Variants in ZNF326 observed in about 807,000 individuals in gnomAD.
The protein encoded by ZNF326 is zinc finger protein 326.
In ZNF326, 30 loss-of-function variants were observed where a neutral mutation model predicts 63.1. That is an observed-to-expected ratio of 0.48 (90% confidence interval 0.36 to 0.64). The LOEUF is 0.64. ZNF326 is among the 30% of genes least tolerant of loss of function. The pLI is 0.00. For synonymous variants in ZNF326, 194 were observed against 228.2 expected, an observed-to-expected ratio of 0.85 and a Z score of 1.35; for missense variants, 609 against 720.3, an observed-to-expected ratio of 0.85 and a Z score of 1.77.
intron 2 of ZNF326, 90 bp from the exon 3 acceptor site, chr1:90,004,913 G>T: frequency 9.4e-7 from 1 of 1,066,142 alleles, no homozygotes. Context: ...ATTATCTCAG[G>T]TGATAGATAG....
chr1:89,998,039 TGG>T, intron 1 of ZNF326, 69 bp from the exon 2 acceptor site: 4 of 1,393,690 alleles, frequency 2.9e-6, no homozygotes, highest in Non-Finnish European at 4.0e-6. Flanking sequence ...TGTTTTTTAC[TGG>T]ATCGGCATAT....
rs376607529 is a variant in ZNF326 at position 90,023,595 on chromosome 1, T to C, written c.1401+1250T>C. Among the ~76,000 whole-genome samples the C allele has an allele frequency of 2.6e-5, 4 of 152,228 alleles. No homozygotes were observed. The South Asian group carries it at 8.3e-4, about 32-fold the overall frequency. On this transcript the variant is annotated intron_variant, in intron 11 of 11. Coordinates refer to ENST00000340281, the MANE Select transcript of ZNF326 (RefSeq NM_182976.4). Reference sequence around the variant, plus strand: ...AATGCAGCCCTCAATTGAAATCCAATTTTATGAGAGGTATGGCATCAAAAA... The same window carrying C: ...AATGCAGCCCTCAATTGAAATCCAACTTTATGAGAGGTATGGCATCAAAAA...
intron 1 of ZNF326, 130 bp from the exon 2 acceptor site, chr1:89,997,980 T>G (rs565236124): frequency 3.0e-6 from 2 of 672,384 alleles, no homozygotes; most frequent in East Asian, 2.7e-5. Flanking sequence ...GTTTTAACTA[T>G]TCTCAGTTTT....
rs2101047209 is a variant in ZNF326 at position 89,998,149 on chromosome 1, T to C, written c.56T>C (p.Phe19Ser). The change falls in exon 2 of 12, where the codon TTT becomes TCT. Residue 19 changes from phenylalanine to serine, a missense_variant. By Grantham distance (155) the Phe-to-Ser change is radical. Coordinates refer to ENST00000340281, the MANE Select transcript of ZNF326 (RefSeq NM_182976.4). ...HSACRNTYQG[F>S]NGMDRDYGPG... ...GCCTGCAGGAATACTTATCAGGGCT[T>C]TAATGGTAAGTATCCTCTTTCAGCT... 6.2e-7 allele frequency: 1 copy of C among 1,613,216 alleles called. No homozygotes were observed.
rs1650302724 is a variant in ZNF326, at chr1:90,032,086, A to G, written c.*4385A>G. The G allele has an allele frequency of 6.6e-6, 1 of 152,182 alleles. No individual in the cohort carries two copies. The highest frequency in any genetic ancestry group is 1.5e-5 in the Non-Finnish European group (1 of 68,056). 9.4% of individuals were successfully genotyped at this position (152,182 alleles called of 1,614,324 possible). A position where few individuals can be genotyped will look rare whatever the true frequency, so the allele number is the denominator to read the frequency against. On this transcript the variant is annotated 3_prime_UTR_variant, in exon 12 of 12. Coordinates refer to ENST00000340281, the MANE Select transcript of ZNF326 (RefSeq NM_182976.4). Reference sequence around the variant, plus strand: ...AAGGGCAGATTCTTGGCAATGGTAAATTCAGTAGGTCCTGCCACCATTTGA... The same window carrying G: ...AAGGGCAGATTCTTGGCAATGGTAAGTTCAGTAGGTCCTGCCACCATTTGA...
intron 9 of ZNF326, among the ~76,000 whole-genome samples, chr1:90,020,080 A>G (rs111750285): frequency 5.3e-5 from 8 of 151,986 alleles, no homozygotes; most frequent in African/African-American, 1.9e-4. Context: ...TGTCTTGACA[A>G]TTGTAGTATT....
At chr1:90,027,278 G>A (rs570420911) in intron 11 of ZNF326, 76 bp from the exon 12 acceptor site, 2 of 1,359,122 alleles carry the variant, frequency 1.5e-6, no homozygotes, top group East Asian at 2.3e-5. Flanking sequence ...TCATGATATG[G>A]CAAGTAAAAA....
chr1:90,007,754 A>G lies in ZNF326; in HGVS notation c.615+4A>G. The G allele has an allele frequency of 6.7e-7, 1 of 1,497,282 alleles. No homozygotes were observed. The highest frequency in any genetic ancestry group is 8.9e-7 in the Non-Finnish European group (1 of 1,122,508). 92.7% of individuals were successfully genotyped at this position (1,497,282 alleles called of 1,614,324 possible). ...AGGCAGAGGCCGAGGCCGAGGAGTAAGTACAACAGAATCTTTTCAGATTCT... is the reference window on the plus strand; with the variant it reads ...AGGCAGAGGCCGAGGCCGAGGAGTAGGTACAACAGAATCTTTTCAGATTCT... On this transcript the variant is annotated splice_donor_region_variant and intron_variant, in intron 5 of 11. Coordinates refer to ENST00000340281, the MANE Select transcript of ZNF326 (RefSeq NM_182976.4). This position sits in a 1 kb window ranked among gnomAD's most constrained non-coding sequence, Gnocchi z 4.9.
chr1:89,996,382 TCATAA>T (rs1489982858), intron 1 of ZNF326, among the ~76,000 whole-genome samples: 1 of 152,352 alleles, frequency 6.6e-6, no homozygotes, highest in South Asian at 2.1e-4. Context: ...TTTTGATTTT[TCATAA>T]CATTTCATGC....
Position 89,995,227 on chromosome 1 carries a change from C to T in ZNF326, c.-31C>T. 1.3e-6 allele frequency: 2 copies of T among 1,543,276 alleles called. No homozygotes were observed. ...CCGCCGGCCATAGCTCAGCCTAGCG[C>T]CGCCAAGGCCGACGGCCCTCAGCCT... On this transcript the variant is annotated 5_prime_UTR_variant, in exon 1 of 12. Transcript: ENST00000340281.
In ZNF326 at chr1:90,005,108, C is replaced by CT. The variant is rs779475674; in HGVS notation, c.98-19dup. 7.4e-6 allele frequency: 12 copies of CT among 1,613,608 alleles called. No homozygotes were observed. In the East Asian group the frequency reaches 1.1e-4, roughly 15 times the overall value. ...GCCAGTAAAGGTGAGCATCATATAA[C>CT]TTTTTTCTTTTTAAACTCTTATAGG... On this transcript the variant is annotated intron_variant, in intron 3 of 11. Transcript: ENST00000340281.
chr1:90,002,749 CAT>C (rs1033156988), intron 2 of ZNF326, among the ~76,000 whole-genome samples: 1 of 152,148 alleles, frequency 6.6e-6, no homozygotes, highest in African/African-American at 2.4e-5. Flanking sequence ...AAAGCAGTAA[CAT>C]ATCTCCATAT....
At position 90,005,412 on chromosome 1, in the gene ZNF326, A is replaced by G. The variant is rs1330648084; in HGVS notation, c.209+168A>G. On this transcript the variant is annotated intron_variant, in intron 4 of 11. Coordinates refer to ENST00000340281, the MANE Select transcript of ZNF326 (RefSeq NM_182976.4). ...AATTAATGGGTATAAAATTTAAATC[A>G]GTATTACTGGCAGACGTTATTTTAG... The G allele has an allele frequency of 7.4e-6, 10 of 1,355,742 alleles. No individual in the cohort carries two copies. The East Asian group carries it at 1.7e-4, about 23-fold the overall frequency. The allele number at this position is 1,355,742 out of a possible 1,614,324, so 84.0% of individuals were successfully genotyped here.
intron 6 of ZNF326, among the ~76,000 whole-genome samples, chr1:90,011,420 CTTAT>C (rs1649226679): frequency 1.3e-5 from 2 of 151,002 alleles, no homozygotes; most frequent in Admixed American, 1.3e-4. Flanking sequence ...GATTAAATTA[CTTAT>C]TTGAGGTAAT....
chr1:90,027,828 T>C lies in ZNF326; in HGVS notation c.*127T>C. ...ATGCATTCCACATATTAAAATTTGTTTTATATAATTTCTAAATGTTTAACA... is the reference window on the plus strand; with the variant it reads ...ATGCATTCCACATATTAAAATTTGTCTTATATAATTTCTAAATGTTTAACA... On this transcript the variant is annotated 3_prime_UTR_variant, in exon 12 of 12. Transcript: ENST00000340281. The C allele has an allele frequency of 1.2e-6, 1 of 846,802 alleles. No individual in the cohort carries two copies. The highest frequency in any genetic ancestry group is 2.8e-5 in the East Asian group (1 of 35,532). The allele number at this position is 846,802 out of a possible 1,614,324, so 52.5% of individuals were successfully genotyped here. A position where few individuals can be genotyped will look rare whatever the true frequency, so the allele number is the denominator to read the frequency against.
chr1:90,019,338 C>G (rs1041392986), intron 9 of ZNF326, among the ~76,000 whole-genome samples: 4 of 152,164 alleles, frequency 2.6e-5, no homozygotes, highest in Non-Finnish European at 4.4e-5. Flanking sequence ...GCTTCTTCAT[C>G]TCCCATGTAT....
intron 6 of ZNF326, among the ~76,000 whole-genome samples, chr1:90,012,854 G>A (rs1169891036): frequency 6.6e-6 from 1 of 152,086 alleles, no homozygotes; most frequent in African/African-American, 2.4e-5. Context: ...TAGGACAAAT[G>A]AGCACATTTA....
intron 7 of ZNF326, 31 bp downstream of exon 7, chr1:90,013,268 A>G (rs761742039): frequency 2.1e-6 from 3 of 1,456,808 alleles, no homozygotes; most frequent in Admixed American, 2.5e-5. Context: ...AATTAGGTTC[A>G]TTAAAAAATG....
chr1:90,017,546 A>G (rs1649563168), intron 8 of ZNF326, 82 bp downstream of exon 8: 11 of 1,281,332 alleles, frequency 8.6e-6, no homozygotes, highest in Non-Finnish European at 1.2e-5. Context: ...CCCATCTCTC[A>G]CATTTATGTT....
Sources: gnomAD v4.1 joint callset for allele counts (sites outside exome capture counted in the v4.1 genomes callset) on GRCh38, gnomAD v4.1.1 for gene constraint, Gnocchi (gnomAD v3.1) non-coding constraint, MANE v1.5 for transcripts, NCBI Gene and HGNC (gene_info 2026-07-23, HGNC 2026-07-21) for gene names.